Variants in PCDH15 observed in about 807,000 individuals in gnomAD.
The protein encoded by PCDH15 is protocadherin-15.
A neutral mutation model predicts 178.5 loss-of-function variants in PCDH15; 129 were observed. That is an observed-to-expected ratio of 0.72 (90% CI 0.63 to 0.84). PCDH15 has a LOEUF of 0.84. Among genes scored for constraint, PCDH15 ranks in the 40% least tolerant of loss-of-function variants. The probability of loss-of-function intolerance (pLI) is 0.00; values close to 1 mark genes in which losing one functional copy is unlikely to be tolerated. For synonymous variants in PCDH15, 800 were observed against 732.0 expected, an observed-to-expected ratio of 1.09 and a Z score of -1.50; for missense variants, 2,230 against 2,099.9, an observed-to-expected ratio of 1.06 and a Z score of -1.21.
intron 2 of PCDH15, among the ~76,000 whole-genome samples, chr10:55,369,878 G>A (rs994173668): frequency 2.0e-5 from 3 of 151,832 alleles, no homozygotes; most frequent in African/African-American, 4.8e-5. Flanking sequence ...GGTCTGTCCT[G>A]GACTGAGACA....
intron 1 of PCDH15, among the ~76,000 whole-genome samples, chr10:54,761,021 T>C (rs979007838): frequency 6.6e-6 from 1 of 152,070 alleles, no homozygotes; most frequent in Non-Finnish European, 1.5e-5. Flanking sequence ...AAGTCACTGG[T>C]AGTTCAAAGA....
chr10:53,892,505 T>TA (rs1487422802), intron 26 of PCDH15, among the ~76,000 whole-genome samples: 92 of 150,702 alleles, frequency 6.1e-4, no homozygotes, highest in East Asian at 4.7e-3. Flanking sequence ...CCTTCTACAA[T>TA]AACAAACAAA....
At chr10:55,400,322 T>G (rs1838031930) in intron 2 of PCDH15, among the ~76,000 whole-genome samples, 1 of 152,078 alleles carries the variant, frequency 6.6e-6, no homozygotes, top group African/African-American at 2.4e-5. Flanking sequence ...CCCCTTCAAG[T>G]CTCTGCCACC....
At chr10:55,602,636 C>T (rs562352344) in intron 2 of PCDH15, among the ~76,000 whole-genome samples, 3 of 152,176 alleles carry the variant, frequency 2.0e-5, no homozygotes, top group Admixed American at 6.5e-5. Context: ...ACACTGACAC[C>T]TCACACAGCA....
At chr10:54,226,683 A>AG (rs1470007837) in intron 9 of PCDH15, among the ~76,000 whole-genome samples, 3 of 152,328 alleles carry the variant, frequency 2.0e-5, no homozygotes, top group African/African-American at 7.2e-5. Context: ...AAAAGTCCAC[A>AG]GTCCAAAGTC....
intron 37 of PCDH15, among the ~76,000 whole-genome samples, chr10:53,807,618 G>C (rs1021451261): frequency 6.6e-6 from 1 of 151,890 alleles, no homozygotes; most frequent in Non-Finnish European, 1.5e-5. Flanking sequence ...GAAAACTTTT[G>C]TATAATTTAA....
chr10:54,236,509 T>C (rs1264215928), intron 9 of PCDH15, among the ~76,000 whole-genome samples: 1 of 151,984 alleles, frequency 6.6e-6, no homozygotes, highest in African/African-American at 2.4e-5. Flanking sequence ...AAGCTGAAAG[T>C]TGGTGCTAGA....
intron 2 of PCDH15, among the ~76,000 whole-genome samples, chr10:55,482,374 G>T (rs917799315): frequency 6.6e-6 from 1 of 151,864 alleles, no homozygotes; most frequent in Non-Finnish European, 1.5e-5. Flanking sequence ...ATGTTAGGTT[G>T]TTATCTTGCA....
At chr10:55,529,071 G>T (rs1565226845) in intron 2 of PCDH15, among the ~76,000 whole-genome samples, 2 of 151,948 alleles carry the variant, frequency 1.3e-5, no homozygotes, top group Non-Finnish European at 2.9e-5. Context: ...TTTTGATGGG[G>T]TTGTTTGTTT....
intron 29 of PCDH15, among the ~76,000 whole-genome samples, chr10:53,837,194 G>T (rs923465784): frequency 6.6e-6 from 1 of 151,322 alleles, no homozygotes; most frequent in African/African-American, 2.4e-5. Context: ...GAGAAAATGG[G>T]CATAAGAAAT....
At chr10:55,517,486 C>G (rs1841045576) in intron 2 of PCDH15, among the ~76,000 whole-genome samples, 1 of 151,932 alleles carries the variant, frequency 6.6e-6, no homozygotes, top group South Asian at 2.1e-4. Context: ...GTTCATTGTT[C>G]TACATTTTAC....
intron 2 of PCDH15, among the ~76,000 whole-genome samples, chr10:55,126,392 G>T (rs1237768591): frequency 6.6e-6 from 1 of 152,088 alleles, no homozygotes; most frequent in African/African-American, 2.4e-5. Flanking sequence ...TATTGGCAAT[G>T]AATCCAACTG....
intron 3 of PCDH15, among the ~76,000 whole-genome samples, chr10:54,806,473 G>A (rs1481839053): frequency 2.6e-5 from 4 of 151,422 alleles, no homozygotes; most frequent in African/African-American, 9.8e-5. Flanking sequence ...TATGACTGAA[G>A]GTTCTGGCTT....
chr10:53,806,611 T>C lies in PCDH15; in HGVS notation c.5191A>G (p.Asn1731Asp), dbSNP rs1260280764. 2 of 1,613,502 alleles carry C rather than the reference T, an allele frequency of 1.2e-6. No individual in the cohort carries two copies. Among genetic ancestry groups the C allele is most frequent in the Non-Finnish European group, 1.7e-6 (2 of 1,179,684 alleles). Residue 1731 changes from asparagine (N) to aspartate (D), a missense_variant, in exon 38 of 38, where the codon AAC becomes GAC. Asn to Asp is a conservative substitution (Grantham distance 23). Transcript: ENST00000644397. ...TTTGTCATTGGTATATGGAGGTTGT[T>C]CCAGGGGCCCATCCAAAGCTCTTCA... Reference protein sequence around the residue: ...DDEELWMGPWNNLHIPMTKL With the variant: ...DDEELWMGPWDNLHIPMTKL
chr10:55,222,710 T>TACACACACACAC lies in PCDH15; in HGVS notation c.-155-56071_-155-56060dup, dbSNP rs374141989. On this transcript the variant is annotated intron_variant, in intron 1 of 5. Transcript: ENST00000458638. ...AAGTAATGATAATTTTATATCTTTA[T>TACACACACACAC]ACACACACACACACACACACATATA... 6.9e-3 allele frequency among the ~76,000 whole-genome samples: 290 copies of TACACACACACAC among 42,018 alleles called. 2 individuals are homozygous for TACACACACACAC. The highest frequency in any genetic ancestry group is 0.022 in the African/African-American group (257 of 11,790). 27.6% of individuals were successfully genotyped at this position (42,018 alleles called of 152,430 possible).
At chr10:54,917,017 T>G (rs1440250710) in intron 2 of PCDH15, among the ~76,000 whole-genome samples, 1 of 152,132 alleles carries the variant, frequency 6.6e-6, no homozygotes, top group Non-Finnish European at 1.5e-5. Flanking sequence ...GAGCTCTTTT[T>G]TCATCAGGAA....
intron 8 of PCDH15, among the ~76,000 whole-genome samples, chr10:54,247,955 TATATACAC>T (rs567263884): frequency 0.016 from 2,346 of 146,938 alleles, 51 homozygotes; most frequent in African/African-American, 0.056. Context: ...TATATATATA[TATATACAC>T]ATACAGTAAA....
intron 3 of PCDH15, among the ~76,000 whole-genome samples, chr10:54,862,409 A>G (rs1953858823): frequency 6.6e-6 from 1 of 152,204 alleles, no homozygotes; most frequent in Non-Finnish European, 1.5e-5. Flanking sequence ...ATAGAGGAGG[A>G]GAGGATTTGT....
intron 8 of PCDH15, among the ~76,000 whole-genome samples, chr10:54,262,919 T>A (rs2057421828): frequency 6.8e-6 from 1 of 146,836 alleles, no homozygotes; most frequent in Admixed American, 6.7e-5. Context: ...TCTGCTGGGT[T>A]AGGGGAGTGT....
Sources: allele counts gnomAD v4.1 joint callset (sites outside exome capture counted in the v4.1 genomes callset), GRCh38; gene constraint gnomAD v4.1.1; transcripts MANE v1.5; gene names NCBI Gene and HGNC (gene_info 2026-07-23, HGNC 2026-07-21).